Variants in MED17 observed in about 807,000 individuals in gnomAD.
MED17 encodes mediator complex subunit 17.
In MED17, 49 loss-of-function variants were observed where a neutral mutation model predicts 80.8. The observed-to-expected ratio is 0.61, with a 90% CI of 0.48 to 0.77. The LOEUF is 0.77. Ranked by LOEUF, MED17 falls within the 30% of genes least tolerant of loss-of-function variation. The probability of loss-of-function intolerance (pLI) is 0.00; values close to 1 mark genes in which losing one functional copy is unlikely to be tolerated. For missense variants in MED17, 718 were observed against 787.0 expected, an observed-to-expected ratio of 0.91 and a Z score of 1.05; for synonymous variants, 281 against 280.4, an observed-to-expected ratio of 1.00 and a Z score of -0.02.
At chr11:93,807,349 G>T (rs1295104612) in intron 9 of MED17, 169 bp from the exon 10 acceptor site, 1 of 576,722 alleles carries the variant, frequency 1.7e-6, no homozygotes, top group African/African-American at 1.9e-5. Context: ...GGAAGCGGAG[G>T]TTGCAGTGAG....
At chr11:93,811,204 C>T (rs1944082680) in intron 11 of MED17, 1 of 152,222 alleles carries the variant, frequency 6.6e-6, no homozygotes, top group Non-Finnish European at 1.5e-5. Context: ...TACCCTTTTC[C>T]TCTTTCCCAA....
intron 9 of MED17, chr11:93,806,657 C>T (rs956218662): frequency 2.2e-4 from 33 of 152,320 alleles, no homozygotes; most frequent in African/African-American, 7.9e-4. Context: ...CCTTGGTTAA[C>T]GCTGGCTCTC....
rs895819278 is a variant in MED17, at chr11:93,812,398, T to TA, written c.*341dup. The TA allele has an allele frequency of 6.0e-6, 3 of 500,760 alleles. No individual in the cohort carries two copies. Among genetic ancestry groups the TA allele is most frequent in the Admixed American group, 3.8e-5 (1 of 26,574 alleles). The allele number at this position is 500,760 out of a possible 1,614,324, so 31.0% of individuals were successfully genotyped here. ...TTGACATCAAATAAAGTATGTGGTTTAAAAAAATCTCCAAATACCTTTTTT... is the reference window on the plus strand; with the variant it reads ...TTGACATCAAATAAAGTATGTGGTTTAAAAAAAATCTCCAAATACCTTTTTT... On this transcript the variant is annotated 3_prime_UTR_variant, in exon 12 of 12. Transcript: ENST00000251871.
chr11:93,810,993 A>G (rs1944080884), intron 11 of MED17: 1 of 152,428 alleles, frequency 6.6e-6, no homozygotes, highest in African/African-American at 2.4e-5. Context: ...TGTTGCTCCT[A>G]GGCTACAAAC....
chr11:93,786,031 C>T (rs1209436403), intron 1 of MED17, among the ~76,000 whole-genome samples: 1 of 152,072 alleles, frequency 6.6e-6, no homozygotes, highest in East Asian at 1.9e-4. Context: ...CACCTACCTA[C>T]CTTACAAAGT....
intron 1 of MED17, among the ~76,000 whole-genome samples, chr11:93,785,266 A>G (rs920774858): frequency 2.6e-5 from 4 of 152,248 alleles, no homozygotes; most frequent in Admixed American, 6.5e-5. Flanking sequence ...GCGTTTGACT[A>G]GTGTTAAGAC....
chr11:93,803,993 GTGTGTGTATA>G (rs1245588588), intron 9 of MED17, among the ~76,000 whole-genome samples: 1 of 2,318 alleles, frequency 4.3e-4, no homozygotes, highest in African/African-American at 6.4e-4. Flanking sequence ...GTGTATATAT[GTGTGTGTATA>G]TATATATATA....
chr11:93,799,148 C>T (rs1304935653), intron 8 of MED17, among the ~76,000 whole-genome samples: 2 of 150,778 alleles, frequency 1.3e-5, no homozygotes, highest in Non-Finnish European at 2.9e-5. Flanking sequence ...CCAGCCTGGG[C>T]AACATAGTGA....
At chr11:93,803,985 GTA>G (rs797009809) in intron 9 of MED17, among the ~76,000 whole-genome samples, 6,276 of 20,942 alleles carry the variant, frequency 0.3, 449 homozygotes, top group African/African-American at 0.37. Context: ...GTGTGTGTGT[GTA>G]TATATGTGTG....
At position 93,801,784 on chromosome 11, in the gene MED17, A is replaced by G. The variant is rs373373659; in HGVS notation, c.1329-51A>G. 4.1e-5 allele frequency: 64 copies of G among 1,547,420 alleles called. 1 individual carries two copies. In the Middle Eastern group the frequency reaches 6.0e-4, roughly 15 times the overall value. ...AAATTTTCGAATCATTTATATTCCT[A>G]TCATTTTGTATGGTGACTTAAAAAG... On this transcript the variant is annotated intron_variant, in intron 8 of 11. Coordinates refer to ENST00000251871, the MANE Select transcript of MED17 (RefSeq NM_004268.5).
At chr11:93,797,776 T>G in intron 8 of MED17, 57 bp downstream of exon 8, 2 of 1,471,030 alleles carry the variant, frequency 1.4e-6, no homozygotes, top group Non-Finnish European at 9.5e-7. Flanking sequence ...CAGTGTTTTC[T>G]TCTGTTATTT....
At chr11:93,796,651 T>A in intron 7 of MED17, 111 bp downstream of exon 7, 2 of 1,218,520 alleles carry the variant, frequency 1.6e-6, no homozygotes, top group Non-Finnish European at 2.4e-6. Flanking sequence ...AGCAACAACA[T>A]TCACTGTCTG....
chr11:93,793,366 C>T (rs890566543), intron 3 of MED17: 1 of 237,194 alleles, frequency 4.2e-6, no homozygotes, highest in African/African-American at 2.4e-5. Context: ...ATCCATCCGC[C>T]TCGTCCTCCC....
intron 11 of MED17, chr11:93,810,400 T>A (rs533782917): frequency 1.3e-5 from 2 of 155,118 alleles, no homozygotes. Context: ...TCTCGCTCTT[T>A]CGCTCAGGCT....
At chr11:93,788,949 G>A (rs1401204417) in intron 2 of MED17, 1 of 151,844 alleles carries the variant, frequency 6.6e-6, no homozygotes, top group Non-Finnish European at 1.5e-5. Flanking sequence ...AAAGTTAGGC[G>A]AAATTATGGA....
At chr11:93,787,181 G>A (rs1255825861) in intron 1 of MED17, among the ~76,000 whole-genome samples, 2 of 151,942 alleles carry the variant, frequency 1.3e-5, no homozygotes, top group African/African-American at 4.8e-5. Context: ...TCGGAGGCCG[G>A]GGCAGGCAGA....
intron 10 of MED17, chr11:93,808,335 G>T (rs1944048081): frequency 2.2e-5 from 3 of 137,210 alleles, no homozygotes; most frequent in Non-Finnish European, 4.6e-5. Context: ...CTGTACTTCA[G>T]CCCAGGGTGA....
At chr11:93,809,522 C>A in intron 10 of MED17, 195 bp from the exon 11 acceptor site, 1 of 637,566 alleles carries the variant, frequency 1.6e-6, no homozygotes, top group South Asian at 1.8e-5. Context: ...TATCAGGCAA[C>A]TTTAGCTTTG....
At chr11:93,788,706 T>TA (rs1943799406) in intron 2 of MED17, 1 of 147,464 alleles carries the variant, frequency 6.8e-6, no homozygotes, top group Non-Finnish European at 1.5e-5. Flanking sequence ...AAGAATGTAA[T>TA]ACTTTAAAGG....
Sources: allele counts gnomAD v4.1 joint callset (sites outside exome capture counted in the v4.1 genomes callset), GRCh38; gene constraint gnomAD v4.1.1; transcripts MANE v1.5; gene names NCBI Gene and HGNC (gene_info 2026-07-23, HGNC 2026-07-21).